Variants in PYGL observed in about 807,000 individuals in gnomAD.
PYGL encodes glycogen phosphorylase L.
In PYGL, 90 loss-of-function variants were observed where a neutral mutation model predicts 100.1. The observed-to-expected ratio is 0.90, with a 90% CI of 0.76 to 1.07. The LOEUF is 1.07. Among genes scored for constraint, PYGL ranks in the 50% least tolerant of loss-of-function variants. The pLI is 0.00. For synonymous variants in PYGL, 373 were observed against 393.0 expected (o/e 0.95, Z 0.60); for missense variants, 1,016 against 1,057.6 (o/e 0.96, Z 0.55).
intron 18 of PYGL, 120 bp from the exon 19 acceptor site, chr14:50,908,457 T>G: frequency 1.0e-6 from 1 of 957,082 alleles, no homozygotes; most frequent in Non-Finnish European, 1.6e-6. Context: ...TTTACCAAAT[T>G]CATATTTCTG....
intron 16 of PYGL, 62 bp downstream of exon 16, chr14:50,911,668 T>C: frequency 2.5e-6 from 4 of 1,599,160 alleles, no homozygotes; most frequent in Middle Eastern, 1.7e-4. Flanking sequence ...GCCCCATCTT[T>C]CATACCATGT....
At chr14:50,920,472 G>A in intron 7 of PYGL, 69 bp downstream of exon 7, 5 of 1,384,758 alleles carry the variant, frequency 3.6e-6, no homozygotes, top group Non-Finnish European at 5.1e-6. Flanking sequence ...TGTTTTATAG[G>A]TTACTGAACA....
intron 1 of PYGL, among the ~76,000 whole-genome samples, chr14:50,942,608 G>A (rs1281076300): frequency 2.9e-5 from 4 of 139,784 alleles, no homozygotes; most frequent in Admixed American, 8.2e-5. Context: ...GATCATTTGA[G>A]GCCAGGAGTT....
At chr14:50,938,277 A>G (rs2050673122) in intron 1 of PYGL, among the ~76,000 whole-genome samples, 1 of 152,198 alleles carries the variant, frequency 6.6e-6, no homozygotes, top group Non-Finnish European at 1.5e-5. Flanking sequence ...ATGGTCCAAT[A>G]TCAGCTCACT....
chr14:50,936,426 C>G (rs1285749644), intron 2 of PYGL, among the ~76,000 whole-genome samples: 1 of 152,168 alleles, frequency 6.6e-6, no homozygotes, highest in Non-Finnish European at 1.5e-5. Flanking sequence ...CAAATTTGCT[C>G]TCTGCAGATT....
intron 16 of PYGL, 65 bp from the exon 17 acceptor site, chr14:50,910,167 GCATT>G (rs2050379945): frequency 6.6e-7 from 1 of 1,503,834 alleles, no homozygotes; most frequent in East Asian, 2.3e-5. Flanking sequence ...TTGTATTGAA[GCATT>G]TATTAAGTTG....
At chr14:50,934,137 G>A (rs1408670700) in intron 3 of PYGL, among the ~76,000 whole-genome samples, 1 of 152,086 alleles carries the variant, frequency 6.6e-6, no homozygotes, top group Non-Finnish European at 1.5e-5. Flanking sequence ...TGTATTTTTA[G>A]TGCTTTCCTA....
At chr14:50,916,091 A>G (rs1392085672) in intron 9 of PYGL, 120 bp from the exon 10 acceptor site, 3 of 1,362,462 alleles carry the variant, frequency 2.2e-6, no homozygotes, top group Non-Finnish European at 3.1e-6. Context: ...GCATAGTCAG[A>G]GCACTCAATT....
rs534939297 is a variant in PYGL at position 50,931,614 on chromosome 14, C to T, written c.528+59G>A. 7.1e-5 allele frequency: 102 copies of T among 1,435,396 alleles called. No individual in the cohort carries two copies. In the East Asian group the frequency reaches 2.1e-3, roughly 29 times the overall value. 88.9% of individuals were successfully genotyped at this position (1,435,396 alleles called of 1,614,324 possible). A position where few individuals can be genotyped will look rare whatever the true frequency, so the allele number is the denominator to read the frequency against. On this transcript the variant is annotated intron_variant, in intron 4 of 19. Coordinates refer to ENST00000216392, the MANE Select transcript of PYGL (RefSeq NM_002863.5). ...AAAGGTCCATATATTATAAATCATC[C>T]AGAGCACCATGAAAGAGAAGTACCT...
Position 50,913,517 on chromosome 14 carries a change from G to A in PYGL, c.1519-387C>T, listed in dbSNP as rs553025518. ...CTCCCCAGTAGCTGGGGCTACAGGC[G>A]CCTGCCACCACGCCTGGCTAATTTT... On this transcript the variant is annotated intron_variant, in intron 12 of 19. Coordinates refer to ENST00000216392, the MANE Select transcript of PYGL (RefSeq NM_002863.5). Among the ~76,000 whole-genome samples, 7 of 151,522 alleles carry A rather than the reference G, an allele frequency of 4.6e-5. No homozygotes were observed. The East Asian group carries it at 1.2e-3, about 25-fold the overall frequency.
intron 4 of PYGL, among the ~76,000 whole-genome samples, chr14:50,927,570 C>T (rs1221221956): frequency 6.6e-6 from 1 of 152,098 alleles, no homozygotes; most frequent in Non-Finnish European, 1.5e-5. Flanking sequence ...ATTCTTAATG[C>T]CATCAAATGT....
chr14:50,930,389 T>C (rs1489479413), intron 4 of PYGL, among the ~76,000 whole-genome samples: 1 of 152,218 alleles, frequency 6.6e-6, no homozygotes, highest in Non-Finnish European at 1.5e-5. Context: ...GTCTCCTAAG[T>C]TGACATTAGG....
At position 50,916,956 on chromosome 14, in the gene PYGL, A is replaced by G; in HGVS notation, c.999+6T>C. On this transcript the variant is annotated splice_donor_region_variant and intron_variant, in intron 8 of 19. Transcript: ENST00000216392. ...CCCTAACTGCATCCACAGACTAAAT[A>G]CTTGCCTGATCCGGGAAGGCATCAA... is the stretch of plus-strand genomic sequence containing the variant. 6.2e-7 allele frequency: 1 copy of G among 1,614,058 alleles called. No individual in the cohort carries two copies.
Position 50,911,728 on chromosome 14 carries a change from A to G in PYGL, c.1969+2T>C. ...CTGCATATTTTGCAATGAGGGTAGT[A>G]CCTTTTTCAGCAAGAGATACTCTGT... is the stretch of plus-strand genomic sequence containing the variant. On this transcript the variant is annotated splice_donor_variant, in intron 16 of 19. Coordinates refer to ENST00000216392, the MANE Select transcript of PYGL (RefSeq NM_002863.5). LOFTEE classifies it high-confidence loss of function. 1 of 1,614,022 alleles carries G rather than the reference A, an allele frequency of 6.2e-7. No homozygotes were observed. The highest frequency in any genetic ancestry group is 8.5e-7 in the Non-Finnish European group (1 of 1,179,862).
intron 6 of PYGL, 93 bp from the exon 7 acceptor site, chr14:50,920,716 G>T: frequency 7.5e-7 from 1 of 1,334,606 alleles, no homozygotes; most frequent in South Asian, 1.2e-5. Flanking sequence ...TGTGTCATGT[G>T]GGATTCCTAA....
intron 7 of PYGL, among the ~76,000 whole-genome samples, chr14:50,917,759 G>T (rs748647758): frequency 2.6e-4 from 40 of 152,242 alleles, no homozygotes; most frequent in Non-Finnish European, 5.6e-4. Flanking sequence ...TAGAGGCCAT[G>T]ATGGTGGCCA....
At chr14:50,916,258 A>AT (rs2050447931) in intron 9 of PYGL, among the ~76,000 whole-genome samples, 1 of 152,264 alleles carries the variant, frequency 6.6e-6, no homozygotes, top group Non-Finnish European at 1.5e-5. Context: ...AGATTGAGGG[A>AT]TAAAAACGTA....
chr14:50,912,403 G>C lies in PYGL; in HGVS notation c.1621-100C>G. Reference sequence around the variant, plus strand: ...AGACGGAGTCTCACTCTTTTGCCCAGGCTGGAGTGCAGTGGCATGATCTCA... The same window carrying C: ...AGACGGAGTCTCACTCTTTTGCCCACGCTGGAGTGCAGTGGCATGATCTCA... On this transcript the variant is annotated intron_variant, in intron 13 of 19. Coordinates refer to ENST00000216392, the MANE Select transcript of PYGL (RefSeq NM_002863.5). 2.8e-6 allele frequency: 4 copies of C among 1,449,844 alleles called. No homozygotes were observed. In the South Asian group the frequency reaches 3.4e-5, roughly 12 times the overall value. 89.8% of individuals were successfully genotyped at this position (1,449,844 alleles called of 1,614,324 possible).
chr14:50,911,059 G>T (rs2142790142), intron 16 of PYGL, among the ~76,000 whole-genome samples: 1 of 152,300 alleles, frequency 6.6e-6, no homozygotes, highest in African/African-American at 2.4e-5. Flanking sequence ...ACCACAAAAA[G>T]AAAAAGCTCC....
Sources: allele counts gnomAD v4.1 joint callset (sites outside exome capture counted in the v4.1 genomes callset), GRCh38; gene constraint gnomAD v4.1.1; transcripts MANE v1.5; gene names NCBI Gene and HGNC (gene_info 2026-07-23, HGNC 2026-07-21).